Variants in TDRD9 observed in about 807,000 individuals in gnomAD.
The protein encoded by TDRD9 is ATP-dependent RNA helicase TDRD9.
A neutral mutation model predicts 172.6 loss-of-function variants in TDRD9; 124 were observed. That is an observed-to-expected ratio of 0.72 (90% CI 0.62 to 0.83). TDRD9 has a LOEUF of 0.83. TDRD9 is among the 40% of genes least tolerant of loss of function. The pLI, the probability that TDRD9 is intolerant of heterozygous loss-of-function variation, is 0.00. For synonymous variants in TDRD9, 619 were observed against 617.1 expected (o/e 1.00, Z -0.05); for missense variants, 1,479 against 1,714.1 (o/e 0.86, Z 2.42).
At chr14:104,043,258 T>C (rs1050612867) in intron 34 of TDRD9, among the ~76,000 whole-genome samples, 3 of 151,556 alleles carry the variant, frequency 2.0e-5, no homozygotes, top group South Asian at 2.1e-4. Flanking sequence ...TTTTTTTTTT[T>C]GAGAATGGAG....
intron 7 of TDRD9, 119 bp downstream of exon 7, chr14:103,975,672 A>C: frequency 1.0e-6 from 1 of 980,876 alleles, no homozygotes; most frequent in Non-Finnish European, 1.4e-6. Context: ...AAATTGATGC[A>C]TACTAAGTGT....
At chr14:103,986,396 G>C (rs2033662690) in intron 8 of TDRD9, 76 bp downstream of exon 8, 2 of 1,088,074 alleles carry the variant, frequency 1.8e-6, no homozygotes, top group South Asian at 3.0e-5. Flanking sequence ...AAACGTTTTA[G>C]TGTTTTTATA....
chr14:103,958,846 A>G (rs140818835), intron 2 of TDRD9, among the ~76,000 whole-genome samples: 20 of 152,338 alleles, frequency 1.3e-4, no homozygotes, highest in African/African-American at 4.6e-4. Context: ...ATGTGACAGC[A>G]GCAGTAAAAA....
intron 1 of TDRD9, among the ~76,000 whole-genome samples, chr14:103,943,444 T>C (rs1173240350): frequency 6.6e-6 from 1 of 150,598 alleles, no homozygotes; most frequent in African/African-American, 2.4e-5. Context: ...CATATGTATA[T>C]GTATTATATA....
At chr14:103,984,997 C>T (rs1361757410) in intron 7 of TDRD9, among the ~76,000 whole-genome samples, 4 of 152,188 alleles carry the variant, frequency 2.6e-5, no homozygotes, top group African/African-American at 9.7e-5. Flanking sequence ...TTCAGACTTG[C>T]TTGGGACCTG....
chr14:103,937,682 G>C (rs1285208947), intron 1 of TDRD9, among the ~76,000 whole-genome samples: 3 of 152,072 alleles, frequency 2.0e-5, no homozygotes, highest in Non-Finnish European at 4.4e-5. Context: ...TGAGTACATG[G>C]GTGGTGCTGT....
At chr14:103,935,899 T>C (rs907544911) in intron 1 of TDRD9, among the ~76,000 whole-genome samples, 1 of 152,170 alleles carries the variant, frequency 6.6e-6, no homozygotes, top group Non-Finnish European at 1.5e-5. Flanking sequence ...AATCTCCACC[T>C]CTTGGTGCAG....
chr14:103,946,187 C>T (rs189200086), intron 1 of TDRD9, among the ~76,000 whole-genome samples: 266 of 152,152 alleles, frequency 1.7e-3, no homozygotes, highest in African/African-American at 6.2e-3. Flanking sequence ...CCAGGCTGGT[C>T]CTGAACTCCT....
In TDRD9 at chr14:104,007,201, G is replaced by A. The variant is rs373747611; in HGVS notation, c.2049G>A (p.Pro683=). 45 of 1,613,728 alleles carry A rather than the reference G, an allele frequency of 2.8e-5. No homozygotes were observed. The highest frequency in any genetic ancestry group is 4.4e-5 in the South Asian group (4 of 91,072). The change falls in exon 19 of 36, where the codon CCG becomes CCA. Residue 683 remains proline (P), a synonymous_variant. Coordinates refer to ENST00000409874, the MANE Select transcript of TDRD9 (RefSeq NM_153046.3). ...GACAGACAGGGGAGCTGCGGTACCC[G>A]AAGGTTGGTGAGCCCTTTCCTGCTG... The part of the protein sequence containing the change: ...ACRQTGELRY[P]KDELNWGRLN...
intron 2 of TDRD9, among the ~76,000 whole-genome samples, chr14:103,960,696 G>T (rs2032468235): frequency 6.6e-6 from 1 of 152,248 alleles, no homozygotes; most frequent in Non-Finnish European, 1.5e-5. Context: ...TTCAGCCAGT[G>T]ACCTAAAAAT....
At chr14:104,009,304 C>G (rs559506780) in intron 20 of TDRD9, among the ~76,000 whole-genome samples, 1 of 152,380 alleles carries the variant, frequency 6.6e-6, no homozygotes, top group African/African-American at 2.4e-5. Context: ...TACCAGATCT[C>G]AGGTGGAGCA....
Position 103,941,335 on chromosome 14 carries a change from A to G in TDRD9, c.215+12611A>G, listed in dbSNP as rs77627994. Reference sequence around the variant, plus strand: ...CATGATAGAATACAGTTTCTAGTCAAAATATATGAGGAACTTGGACTTAGC... The same window carrying G: ...CATGATAGAATACAGTTTCTAGTCAGAATATATGAGGAACTTGGACTTAGC... On this transcript the variant is annotated intron_variant, in intron 1 of 35. Coordinates refer to ENST00000409874, the MANE Select transcript of TDRD9 (RefSeq NM_153046.3). The G allele has an allele frequency of 3.2e-6, 4 of 1,256,240 alleles. No homozygotes were observed. In the Admixed American group the frequency reaches 9.8e-5, roughly 31 times the overall value. 77.8% of individuals were successfully genotyped at this position (1,256,240 alleles called of 1,614,324 possible).
intron 1 of TDRD9, among the ~76,000 whole-genome samples, chr14:103,949,826 C>T (rs2031765508): frequency 1.3e-5 from 2 of 151,674 alleles, no homozygotes; most frequent in South Asian, 4.2e-4. Context: ...ATTACAGGCG[C>T]CCGCCCCACC....
intron 11 of TDRD9, among the ~76,000 whole-genome samples, chr14:103,994,966 G>GA (rs11423570): frequency 0.87 from 128,977 of 148,184 alleles, 57,300 homozygotes; most frequent in Non-Finnish European, 0.96. Flanking sequence ...AAAAAAAAAA[G>GA]AAAAAAAAAT....
chr14:104,016,147 C>T, intron 22 of TDRD9, 59 bp downstream of exon 22: 1 of 1,197,546 alleles, frequency 8.4e-7, no homozygotes, highest in Non-Finnish European at 1.2e-6. Flanking sequence ...CATTTTTGTT[C>T]TCTAATTGTT....
intron 20 of TDRD9, among the ~76,000 whole-genome samples, chr14:104,012,197 G>A (rs769392125): frequency 2.6e-4 from 39 of 152,084 alleles, no homozygotes; most frequent in African/African-American, 9.2e-4. Context: ...AGGCCCCACC[G>A]TCAATCATAT....
At chr14:104,005,661 T>C (rs1353925231) in intron 15 of TDRD9, among the ~76,000 whole-genome samples, 1 of 152,222 alleles carries the variant, frequency 6.6e-6, no homozygotes, top group Non-Finnish European at 1.5e-5. Context: ...TGGGATTCTT[T>C]GACTGCACAC....
rs868087352 is a variant in TDRD9, at chr14:104,049,669, G to A, written c.4036G>A (p.Glu1346Lys). ...TCCCAAGTGGCATGAAAAGCCCTAC[G>A]AGTGGAATCAGGTGAGTGGGACGCA... ...IVPKWHEKPYEWNQVDPKLVM... is the reference protein window; with the variant it reads ...IVPKWHEKPYKWNQVDPKLVM... The change falls in exon 35 of 36, where the codon GAG becomes AAG. Residue 1346 changes from glutamate (E) to lysine (K), a missense_variant. Glu to Lys is a moderately conservative substitution (Grantham distance 56). Transcript: ENST00000409874. 1.9e-6 allele frequency: 3 copies of A among 1,588,766 alleles called. No individual in the cohort carries two copies. The highest frequency in any genetic ancestry group is 2.6e-6 in the Non-Finnish European group (3 of 1,167,674).
intron 22 of TDRD9, among the ~76,000 whole-genome samples, chr14:104,017,523 A>G (rs1348930654): frequency 3.3e-5 from 5 of 152,210 alleles, no homozygotes; most frequent in Non-Finnish European, 7.4e-5. Context: ...CTTCACTTAC[A>G]TGCCTTCTGT....
Sources: gnomAD v4.1 joint callset for allele counts (sites outside exome capture counted in the v4.1 genomes callset) on GRCh38, gnomAD v4.1.1 for gene constraint, MANE v1.5 for transcripts, NCBI Gene and HGNC (gene_info 2026-07-23, HGNC 2026-07-21) for gene names.